The following PDE6D variants were observed in gnomAD, a reference collection of about 807,000 sequenced individuals.
PDE6D encodes the protein retinal rod rhodopsin-sensitive cGMP 3',5'-cyclic phosphodiesterase subunit delta.
PDE6D carries 10 observed loss-of-function variants against 21.9 expected under a neutral mutation model. The observed-to-expected ratio is 0.46, with a 90% confidence interval of 0.28 to 0.78. PDE6D has a LOEUF of 0.78. Ranked by LOEUF, PDE6D falls within the 30% of genes least tolerant of loss-of-function variation. The pLI, the probability that PDE6D is intolerant of heterozygous loss-of-function variation, is 0.12. For synonymous variants in PDE6D, 59 were observed against 63.5 expected (o/e 0.93, Z 0.34); for missense variants, 139 against 184.8 (o/e 0.75, Z 1.44).
At chr2:231,745,794 T>A (rs1426982655) in intron 1 of PDE6D, among the ~76,000 whole-genome samples, 1 of 152,202 alleles carries the variant, frequency 6.6e-6, no homozygotes, top group Non-Finnish European at 1.5e-5. Context: ...AATCCTCTTG[T>A]GTCTTACAGA....
chr2:231,733,162 T>G, intron 4 of PDE6D, 129 bp from the exon 5 acceptor site: 1 of 660,030 alleles, frequency 1.5e-6, no homozygotes, highest in Non-Finnish European at 2.8e-6. Flanking sequence ...AGTCTTAGCT[T>G]GGGGACATTA....
intron 1 of PDE6D, among the ~76,000 whole-genome samples, chr2:231,754,391 CTG>C (rs1307004549): frequency 6.9e-6 from 1 of 145,666 alleles, no homozygotes; most frequent in Non-Finnish European, 1.5e-5. Context: ...GAGTCTCCCT[CTG>C]TTGCCCAGGC....
At chr2:231,736,274 G>T (rs748005808) in intron 4 of PDE6D, among the ~76,000 whole-genome samples, 1 of 151,956 alleles carries the variant, frequency 6.6e-6, no homozygotes, top group Non-Finnish European at 1.5e-5. Flanking sequence ...TAAAGGAACT[G>T]TTGAAAGAGA....
chr2:231,752,267 A>T (rs531046312), intron 1 of PDE6D, among the ~76,000 whole-genome samples: 1 of 152,370 alleles, frequency 6.6e-6, no homozygotes, highest in Admixed American at 6.5e-5. Context: ...GGTTTAGAGC[A>T]GAACACCTGC....
intron 1 of PDE6D, among the ~76,000 whole-genome samples, chr2:231,773,752 A>C (rs1428677467): frequency 6.6e-6 from 1 of 152,176 alleles, no homozygotes; most frequent in African/African-American, 2.4e-5. Flanking sequence ...ATAAATTAGA[A>C]TGAGATTCAT....
At chr2:231,762,310 T>A (rs566376472) in intron 1 of PDE6D, among the ~76,000 whole-genome samples, 60 of 151,778 alleles carry the variant, frequency 4.0e-4, no homozygotes, top group African/African-American at 1.2e-3. Flanking sequence ...TTTTTTTTTT[T>A]AAATCTGAAG....
intron 3 of PDE6D, chr2:231,737,627 T>C (rs2048712155): frequency 6.5e-6 from 2 of 306,798 alleles, no homozygotes; most frequent in Non-Finnish European, 6.0e-6. Flanking sequence ...TTGAAGGGGC[T>C]TATGTGCCCT....
At position 231,739,284 on chromosome 2, in the gene PDE6D, C is replaced by T. The variant is rs1434740209; in HGVS notation, c.51-96G>A. The T allele has an allele frequency of 1.6e-5, 13 of 822,212 alleles. No individual in the cohort carries two copies. The highest frequency in any genetic ancestry group is 2.8e-5 in the Non-Finnish European group (13 of 463,794). 50.9% of individuals were successfully genotyped at this position (822,212 alleles called of 1,614,324 possible). On this transcript the variant is annotated intron_variant, in intron 1 of 4. Coordinates refer to ENST00000287600, the MANE Select transcript of PDE6D (RefSeq NM_002601.4). This position sits in a 1 kb window ranked among gnomAD's most constrained non-coding sequence, Gnocchi z 4.2. The stretch of plus-strand genomic sequence containing the variant: ...GTTTACTCCCACCAACTCTTGTTTA[C>T]TTTTTAAAAAGTTTGTCAAACTGCT...
intron 1 of PDE6D, among the ~76,000 whole-genome samples, chr2:231,777,202 T>C (rs2049064233): frequency 6.6e-6 from 1 of 152,186 alleles, no homozygotes; most frequent in Non-Finnish European, 1.5e-5. Context: ...TGAGATGGGG[T>C]GAAGGTGATA....
rs1396155122 is a variant in PDE6D at position 231,772,270 on chromosome 2, C to G, written c.50+8795G>C. ...CAAGTGGCCCACCTTTATACCAGCTCCACTTTCCCCTGCCTCCCTTTGCAG... is the reference window on the plus strand; with the variant it reads ...CAAGTGGCCCACCTTTATACCAGCTGCACTTTCCCCTGCCTCCCTTTGCAG... On this transcript the variant is annotated intron_variant, in intron 1 of 4. Transcript: ENST00000287600. Among the ~76,000 whole-genome samples the G allele has an allele frequency of 3.3e-5, 5 of 152,166 alleles. No homozygotes were observed. The East Asian group carries it at 9.6e-4, about 29-fold the overall frequency.
intron 1 of PDE6D, among the ~76,000 whole-genome samples, chr2:231,762,317 G>T (rs2048937238): frequency 7.2e-6 from 1 of 139,740 alleles, no homozygotes; most frequent in Admixed American, 7.1e-5. Flanking sequence ...TTTTAAATCT[G>T]AAGTGGATTC....
intron 2 of PDE6D, 138 bp downstream of exon 2, chr2:231,738,962 T>G: frequency 1.9e-6 from 1 of 514,954 alleles, no homozygotes; most frequent in Admixed American, 3.3e-5. Flanking sequence ...ACTGAAACTG[T>G]CAACAACACA....
In PDE6D at chr2:231,781,015, G is replaced by A. The variant is rs1157387518; in HGVS notation, c.50+50C>T. On this transcript the variant is annotated intron_variant, in intron 1 of 4. Coordinates refer to ENST00000287600, the MANE Select transcript of PDE6D (RefSeq NM_002601.4). ...CGCCCCCGGCCAGTCTCCTCAGTGAGCGGCCGCCTCCCAAGTCCTCCCGGC... is the reference window on the plus strand; with the variant it reads ...CGCCCCCGGCCAGTCTCCTCAGTGAACGGCCGCCTCCCAAGTCCTCCCGGC... The A allele has an allele frequency of 5.2e-6, 8 of 1,535,892 alleles. No homozygotes were observed. The Admixed American group carries it at 8.4e-5, about 16-fold the overall frequency.
chr2:231,756,888 A>G (rs1301532907), intron 1 of PDE6D, among the ~76,000 whole-genome samples: 21 of 152,312 alleles, frequency 1.4e-4, no homozygotes, highest in Non-Finnish European at 7.4e-5. Flanking sequence ...TCAAAAAAAA[A>G]AAAAAGATAG....
intron 4 of PDE6D, among the ~76,000 whole-genome samples, chr2:231,733,287 C>T (rs2048666735): frequency 6.6e-6 from 1 of 152,200 alleles, no homozygotes; most frequent in Non-Finnish European, 1.5e-5. Flanking sequence ...CTCCTTGGTA[C>T]ACTCTAAAGC....
intron 1 of PDE6D, among the ~76,000 whole-genome samples, chr2:231,769,644 T>A (rs1278958609): frequency 6.6e-6 from 1 of 151,906 alleles, no homozygotes; most frequent in Non-Finnish European, 1.5e-5. Context: ...GATGGGGTCT[T>A]GCTCTGTTGC....
At chr2:231,734,952 C>A (rs1405407314) in intron 4 of PDE6D, among the ~76,000 whole-genome samples, 10 of 149,860 alleles carry the variant, frequency 6.7e-5, no homozygotes, top group Non-Finnish European at 1.3e-4. Context: ...ATTAAAAAAT[C>A]TACTTTTAGG....
chr2:231,738,220 T>TA (rs1320653599), intron 2 of PDE6D, 82 bp from the exon 3 acceptor site: 41 of 1,315,724 alleles, frequency 3.1e-5, no homozygotes, highest in Non-Finnish European at 4.3e-5. Flanking sequence ...GGGAGCTTCT[T>TA]ACAGCTGATT....
chr2:231,744,515 C>T (rs1291607821), intron 1 of PDE6D, among the ~76,000 whole-genome samples: 1 of 150,854 alleles, frequency 6.6e-6, no homozygotes, highest in African/African-American at 2.4e-5. Flanking sequence ...CTCACCACAA[C>T]CTCCGCCTCC....
Sources: gnomAD v4.1 joint callset for allele counts (sites outside exome capture counted in the v4.1 genomes callset) on GRCh38, gnomAD v4.1.1 for gene constraint, Gnocchi (gnomAD v3.1) non-coding constraint, MANE v1.5 for transcripts, NCBI Gene and HGNC (gene_info 2026-07-23, HGNC 2026-07-21) for gene names.